PLEKHG1: variants seen among roughly 807,000 people sequenced by gnomAD.
PLEKHG1 encodes the protein pleckstrin homology domain-containing family G member 1.
PLEKHG1 carries 44 observed loss-of-function variants against 100.8 expected under a neutral mutation model. The ratio of observed to expected loss-of-function variants is 0.44; its 90% CI spans 0.34 to 0.56. The LOEUF is 0.56. Ranked by LOEUF, PLEKHG1 falls within the 20% of genes least tolerant of loss-of-function variation. The pLI, the probability that PLEKHG1 is intolerant of heterozygous loss-of-function variation, is 0.01. For synonymous variants in PLEKHG1, 640 were observed against 662.5 expected (o/e 0.97, Z 0.52); for missense variants, 1,545 against 1,720.9 (o/e 0.90, Z 1.81).
At position 150,705,870 on chromosome 6, in the gene PLEKHG1, G is replaced by T. The variant is rs974417527; in HGVS notation, c.-98-27714G>T. On this transcript the variant is annotated intron_variant, in intron 3 of 3. Transcript: ENST00000367326. ...TCAGAAAGAAATAAACACTGGGATG[G>T]CATGCAGGGTAGGGCTTCCCCTTTC... 2.0e-5 allele frequency among the ~76,000 whole-genome samples: 3 copies of T among 152,150 alleles called. No homozygotes were observed. The East Asian group carries it at 5.8e-4, about 29-fold the overall frequency.
At chr6:150,666,657 A>G (rs1313635743) in intron 3 of PLEKHG1, among the ~76,000 whole-genome samples, 1 of 152,182 alleles carries the variant, frequency 6.6e-6, no homozygotes, top group East Asian at 1.9e-4. Context: ...AGAGCTGGCA[A>G]TACCATCAAA....
At chr6:150,832,561 G>C (rs918180519) in intron 15 of PLEKHG1, among the ~76,000 whole-genome samples, 2 of 152,138 alleles carry the variant, frequency 1.3e-5, no homozygotes, top group Non-Finnish European at 2.9e-5. Context: ...TTTTTAGGAG[G>C]AGGAGGAGTG....
At position 150,802,062 on chromosome 6, in the gene PLEKHG1, G is replaced by C. The variant is rs951855409; in HGVS notation, c.780+1193G>C. Among the ~76,000 whole-genome samples, 3 of 152,204 alleles carry C rather than the reference G, an allele frequency of 2.0e-5. No individual in the cohort carries two copies. In the East Asian group the frequency reaches 5.8e-4, roughly 29 times the overall value. On this transcript the variant is annotated intron_variant, in intron 6 of 15. Coordinates refer to ENST00000358517, the Ensembl canonical transcript of PLEKHG1. The stretch of plus-strand genomic sequence containing the variant: ...CACGTCAACAGGCCTGCAGTTTATA[G>C]GTATCTCTTTTTAAGTGATTCCAGG...
At chr6:150,738,818 A>G (rs1782701768) in intron 2 of PLEKHG1, among the ~76,000 whole-genome samples, 2 of 152,204 alleles carry the variant, frequency 1.3e-5, no homozygotes, top group Non-Finnish European at 2.9e-5. Flanking sequence ...CAAAGGAACA[A>G]TGGAGCTGTT....
At chr6:150,654,156 G>A (rs1778868225) in intron 3 of PLEKHG1, among the ~76,000 whole-genome samples, 1 of 152,200 alleles carries the variant, frequency 6.6e-6, no homozygotes, top group South Asian at 2.1e-4. Context: ...GGACTGCCCG[G>A]GCGGCAGAAA....
intron 3 of PLEKHG1, among the ~76,000 whole-genome samples, chr6:150,691,421 T>C (rs999148783): frequency 7.2e-5 from 11 of 152,342 alleles, no homozygotes; most frequent in Middle Eastern, 3.4e-3. Flanking sequence ...GCCTGGTTTT[T>C]ATATATGGCC....
rs150715035 is a variant in PLEKHG1 at position 150,635,186 on chromosome 6, A to G, written c.-203-2894A>G. 2.3e-3 allele frequency among the ~76,000 whole-genome samples: 343 copies of G among 152,340 alleles called. 3 individuals are homozygous for G. The highest frequency in any genetic ancestry group is 7.8e-3 in the African/African-American group (326 of 41,580). ...ATTACCTTTACTCCAGCACATTCCA[A>G]TTAGCCTCCTGGCAAGCAAGTAAAT... is the stretch of plus-strand genomic sequence containing the variant. On this transcript the variant is annotated intron_variant, in intron 1 of 3. Transcript: ENST00000367326.
At chr6:150,809,343 C>G (rs756539732) in intron 8 of PLEKHG1, 38 bp from the exon 10 acceptor site, 6 of 1,610,640 alleles carry the variant, frequency 3.7e-6, no homozygotes, top group Non-Finnish European at 5.1e-6. Context: ...CTGTTCCCTC[C>G]TGAGTGTGCC....
chr6:150,752,058 C>T (rs1267815267), intron 2 of PLEKHG1, among the ~76,000 whole-genome samples: 2 of 152,020 alleles, frequency 1.3e-5, no homozygotes, highest in African/African-American at 4.8e-5. Context: ...TGGTGGAAGG[C>T]ACCAGTAATC....
At chr6:150,685,900 A>C (rs979894045) in intron 3 of PLEKHG1, among the ~76,000 whole-genome samples, 1 of 152,212 alleles carries the variant, frequency 6.6e-6, no homozygotes, top group Admixed American at 6.5e-5. Flanking sequence ...TAACCCGTAA[A>C]AGTCATAACA....
intron 14 of PLEKHG1, 97 bp from the exon 16 acceptor site, chr6:150,830,485 A>T: frequency 1.2e-6 from 1 of 823,184 alleles, no homozygotes; most frequent in Non-Finnish European, 1.9e-6. Flanking sequence ...ATTAAAGCCT[A>T]GTGGGGGAGG....
chr6:150,690,097 C>T (rs1284795532), intron 3 of PLEKHG1, among the ~76,000 whole-genome samples: 4 of 152,084 alleles, frequency 2.6e-5, no homozygotes, highest in Non-Finnish European at 5.9e-5. Flanking sequence ...CCTTTAGTGA[C>T]CTTTTGATGG....
Position 150,637,851 on chromosome 6 carries a change from A to G in PLEKHG1, c.-203-229A>G, listed in dbSNP as rs1778076146. Among the ~76,000 whole-genome samples the G allele has an allele frequency of 2.0e-5, 3 of 152,092 alleles. No individual in the cohort carries two copies. In the South Asian group the frequency reaches 6.2e-4, roughly 32 times the overall value. ...TCCCCACTAATATTAATGTATCTTC[A>G]CCTAGAAATCGAGTAGGTGGATTTT... On this transcript the variant is annotated intron_variant, in intron 1 of 3. Coordinates refer to the PLEKHG1 transcript ENST00000367326.
At chr6:150,726,599 T>C (rs923464182) in intron 1 of PLEKHG1, among the ~76,000 whole-genome samples, 6 of 152,224 alleles carry the variant, frequency 3.9e-5, no homozygotes, top group Non-Finnish European at 8.8e-5. Context: ...TTAAAACTTA[T>C]TTAACCTTGG....
At chr6:150,746,162 G>A (rs1783151544) in intron 2 of PLEKHG1, among the ~76,000 whole-genome samples, 1 of 152,128 alleles carries the variant, frequency 6.6e-6, no homozygotes, top group African/African-American at 2.4e-5. Flanking sequence ...GAGCCTTCGT[G>A]TTTTGTTCCT....
intron 15 of PLEKHG1, among the ~76,000 whole-genome samples, chr6:150,833,754 T>G (rs546068865): frequency 6.6e-6 from 1 of 152,324 alleles, no homozygotes; most frequent in East Asian, 1.9e-4. Context: ...CCCCAGATTT[T>G]CTAACCAAGG....
intron 1 of PLEKHG1, among the ~76,000 whole-genome samples, chr6:150,634,987 AG>A (rs780686013): frequency 6.6e-6 from 1 of 152,238 alleles, no homozygotes; most frequent in Non-Finnish European, 1.5e-5. Context: ...GAAGTAGTTA[AG>A]GGACTCTTTT....
chr6:150,705,765 G>A (rs575861834), intron 3 of PLEKHG1, among the ~76,000 whole-genome samples: 2 of 152,168 alleles, frequency 1.3e-5, no homozygotes, highest in Non-Finnish European at 2.9e-5. Flanking sequence ...TATCAGAGGC[G>A]ATTCTTCTTC....
chr6:150,630,272 G>T (rs9478772), intron 1 of PLEKHG1, among the ~76,000 whole-genome samples: 11,635 of 152,280 alleles, frequency 0.076, 546 homozygotes, highest in Non-Finnish European at 0.11. Context: ...AATTACTTTA[G>T]CTTCTTTGCG....
Sources: allele counts gnomAD v4.1 joint callset (sites outside exome capture counted in the v4.1 genomes callset), GRCh38; gene constraint gnomAD v4.1.1; transcripts MANE v1.5; gene names NCBI Gene and HGNC (gene_info 2026-07-23, HGNC 2026-07-21).